Variants in ELL3 observed in about 807,000 individuals in gnomAD.
ELL3 encodes the protein elongation factor for RNA polymerase II 3.
Under a neutral mutation model 58.5 loss-of-function variants are expected in ELL3, and 48 were observed. The observed-to-expected ratio is 0.82, with a 90% confidence interval of 0.65 to 1.04. The LOEUF is 1.04. Among genes scored for constraint, ELL3 ranks in the 50% least tolerant of loss-of-function variants. The pLI is 0.00. For missense variants in ELL3, 458 were observed against 478.4 expected (o/e 0.96, Z 0.40); for synonymous variants, 174 against 173.2 (o/e 1.00, Z -0.04).
At chr15:43,775,962 C>G (rs3844075) in intron 3 of ELL3, 39 bp from the exon 4 acceptor site, 1,458,902 of 1,612,680 alleles carry the variant, frequency 0.9, 662,988 homozygotes, top group East Asian at 1. Context: ...AGGGTGGAGA[C>G]CTCTTAAGCA....
At chr15:43,776,307 G>A (rs2086916405) in intron 2 of ELL3, 156 bp from the exon 3 acceptor site, 2 of 1,087,720 alleles carry the variant, frequency 1.8e-6, no homozygotes, top group Non-Finnish European at 2.7e-6. Flanking sequence ...TCCCCAGGAG[G>A]CCGAAACAGC....
chr15:43,774,196 TTCCTCGCCGAACTC>T lies in ELL3; in HGVS notation c.1010_1023del (p.Arg337AsnfsTer16), dbSNP rs2086898026. 1.2e-6 allele frequency: 2 copies of T among 1,613,762 alleles called. No homozygotes were observed. Among genetic ancestry groups the T allele is most frequent in the Admixed American group, 3.3e-5 (2 of 59,954 alleles). ...CCTGTCCTTACCTTGTATTCTGGAG[TTCCTCGCCGAACTC>T]TTTTAATCTCTGCTCCCAGCTCTAT... On this transcript the variant is annotated frameshift_variant, in exon 9 of 11. Transcript: ENST00000319359. LOFTEE classifies it high-confidence loss of function.
intron 4 of ELL3, 45 bp from the exon 5 acceptor site, chr15:43,775,655 G>A (rs1213564251): frequency 6.2e-7 from 1 of 1,613,930 alleles, no homozygotes; most frequent in Admixed American, 1.7e-5. Context: ...TGGAGTACTG[G>A]GATACCTTGG....
In ELL3 at chr15:43,775,323, G is replaced by T. The variant is rs144962107; in HGVS notation, c.628C>A (p.Arg210=). The T allele has an allele frequency of 5.6e-6, 9 of 1,612,322 alleles. No individual in the cohort carries two copies. The highest frequency in any genetic ancestry group is 7.6e-6 in the Non-Finnish European group (9 of 1,178,740). Residue 210 remains arginine, a synonymous_variant, in exon 6 of 11, where the codon CGG becomes AGG. Coordinates refer to ENST00000319359, the MANE Select transcript of ELL3 (RefSeq NM_025165.3). ...PVQALPSSAS[R]KRLDKKRSVP... is the part of the protein sequence containing the mutation. ...TAACTTACCTTGTCCAGACGTTTCC[G>T]GCTGGCAGAGGAAGGCAGTGCCTGA...
Position 43,775,387 on chromosome 15 carries a change from A to G in ELL3, c.570-6T>C, listed in dbSNP as rs750792902. ...TTGGAACATGGGTCTGGCTTCTAGG[A>G]TATTTTAAGGGAATGGGACAGATGA... is the stretch of plus-strand genomic sequence containing the variant. On this transcript the variant is annotated splice_polypyrimidine_tract_variant and splice_region_variant and intron_variant, in intron 5 of 10. Coordinates refer to ENST00000319359, the MANE Select transcript of ELL3 (RefSeq NM_025165.3). 3 of 1,613,154 alleles carry G rather than the reference A, an allele frequency of 1.9e-6. No individual in the cohort carries two copies. The highest frequency in any genetic ancestry group is 2.5e-6 in the Non-Finnish European group (3 of 1,179,324).
At position 43,773,041 on chromosome 15, in the gene ELL3, C is replaced by T; in HGVS notation, c.*75G>A. On this transcript the variant is annotated 3_prime_UTR_variant, in exon 11 of 11. Coordinates refer to ENST00000319359, the MANE Select transcript of ELL3 (RefSeq NM_025165.3). ...TCAGCATAAGAAAAGCAGATAGTTG[C>T]ATTCTATTTAGTTTATAGCTGCTTT... The T allele has an allele frequency of 7.5e-7, 1 of 1,335,304 alleles. No homozygotes were observed. The highest frequency in any genetic ancestry group is 1.0e-6 in the Non-Finnish European group (1 of 968,052). The allele number at this position is 1,335,304 out of a possible 1,614,324, so 82.7% of individuals were successfully genotyped here. A position where few individuals can be genotyped will look rare whatever the true frequency, so the allele number is the denominator to read the frequency against.
chr15:43,774,541 C>T (rs773389240), intron 7 of ELL3, 23 bp from the exon 8 acceptor site: 1 of 1,614,130 alleles, frequency 6.2e-7, no homozygotes, highest in Non-Finnish European at 8.5e-7. Context: ...CAAGAAAACA[C>T]AAGTGATTAT....
intron 2 of ELL3, 43 bp from the exon 3 acceptor site, chr15:43,776,194 T>G: frequency 6.5e-7 from 1 of 1,526,832 alleles, no homozygotes. Flanking sequence ...AGTCAGCCCC[T>G]CCCCCTCCTG....
intron 6 of ELL3, 146 bp from the exon 7 acceptor site, chr15:43,774,919 G>C (rs1189932029): frequency 1.1e-6 from 1 of 887,504 alleles, no homozygotes; most frequent in African/African-American, 1.7e-5. Flanking sequence ...GATCGCTTGA[G>C]CCCAAGATTT....
intron 9 of ELL3, 131 bp downstream of exon 9, chr15:43,774,047 TACAG>T (rs1167713248): frequency 9.1e-7 from 1 of 1,102,924 alleles, no homozygotes; most frequent in Non-Finnish European, 1.3e-6. Flanking sequence ...TACCAAATGA[TACAG>T]ACTAATTTTT....
intron 9 of ELL3, among the ~76,000 whole-genome samples, chr15:43,773,824 A>G (rs997792643): frequency 6.6e-6 from 1 of 151,838 alleles, no homozygotes; most frequent in Non-Finnish European, 1.5e-5. Flanking sequence ...CAACATGGTA[A>G]AACCCTGTCT....
At chr15:43,776,220 C>T (rs1217603657) in intron 2 of ELL3, 69 bp from the exon 3 acceptor site, 7 of 1,416,252 alleles carry the variant, frequency 4.9e-6, no homozygotes, top group South Asian at 2.4e-5. Context: ...GCCACTCGTC[C>T]GGGAGCCAGT....
chr15:43,774,208 C>G lies in ELL3; in HGVS notation c.1012G>C (p.Val338Leu). The G allele has an allele frequency of 6.2e-7, 1 of 1,614,202 alleles. No individual in the cohort carries two copies. Reference sequence around the variant, plus strand: ...TTGTATTCTGGAGTTCCTCGCCGAACTCTTTTAATCTCTGCTCCCAGCTCT... The same window carrying G: ...TTGTATTCTGGAGTTCCTCGCCGAAGTCTTTTAATCTCTGCTCCCAGCTCT... ...FIELGAEIKR[V>L]RRGTPEYKVL... The change falls in exon 9 of 11, where the codon GTT becomes CTT. Residue 338 changes from valine (V) to leucine (L), a missense_variant. Transcript: ENST00000319359.
Position 43,774,653 on chromosome 15 carries a change from C to T in ELL3, c.766G>A (p.Glu256Lys). The T allele has an allele frequency of 1.2e-6, 2 of 1,614,154 alleles. No individual in the cohort carries two copies. The highest frequency in any genetic ancestry group is 1.7e-6 in the Non-Finnish European group (2 of 1,180,032). ...NQDLQEGEDW[E>K]QEDEDMDPRL... ...GGGTCCATGTCCTCATCTTCTTGCT[C>T]CCAATCTTCTCCCTCTTGTAAATCC... The change falls in exon 7 of 11, where the codon GAG becomes AAG. Residue 256 changes from glutamate (E) to lysine (K), a missense_variant. Coordinates refer to ENST00000319359, the MANE Select transcript of ELL3 (RefSeq NM_025165.3).
chr15:43,775,255 G>A (rs752202244), intron 6 of ELL3, 51 bp downstream of exon 6: 4 of 1,514,808 alleles, frequency 2.6e-6, no homozygotes, highest in Non-Finnish European at 2.7e-6. Flanking sequence ...CTTTGCCACT[G>A]TTTAATTATA....
At position 43,774,177 on chromosome 15, in the gene ELL3, C is replaced by G. The variant is rs753915984; in HGVS notation, c.1038+5G>C. ...CTGGAAAGCCAGGCTGGGTCCTGTCCTTACCTTGTATTCTGGAGTTCCTCG... is the reference window on the plus strand; with the variant it reads ...CTGGAAAGCCAGGCTGGGTCCTGTCGTTACCTTGTATTCTGGAGTTCCTCG... On this transcript the variant is annotated splice_donor_5th_base_variant and intron_variant, in intron 9 of 10. Transcript: ENST00000319359. 101 of 1,613,948 alleles carry G rather than the reference C, an allele frequency of 6.3e-5. No homozygotes were observed. The highest frequency in any genetic ancestry group is 1.3e-4 in the Admixed American group (8 of 60,002).
chr15:43,774,662 C>A lies in ELL3; in HGVS notation c.757G>T (p.Glu253Ter). ...GLTNQDLQEGEDWEQEDEDMD... is the reference protein window; with the variant it reads ...GLTNQDLQEG Reference sequence around the variant, plus strand: ...TCCTCATCTTCTTGCTCCCAATCTTCTCCCTCTTGTAAATCCTGATTGGTC... The same window carrying A: ...TCCTCATCTTCTTGCTCCCAATCTTATCCCTCTTGTAAATCCTGATTGGTC... Residue 253 changes from glutamate to a stop codon, truncating the protein, a stop_gained, in exon 7 of 11, where the codon GAA becomes TAA. Transcript: ENST00000319359. LOFTEE classifies it high-confidence loss of function. The A allele has an allele frequency of 6.2e-7, 1 of 1,614,220 alleles. No individual in the cohort carries two copies. The highest frequency in any genetic ancestry group is 8.5e-7 in the Non-Finnish European group (1 of 1,180,044).
In ELL3 at chr15:43,776,192, C is replaced by G. The variant is rs767987742; in HGVS notation, c.169-41G>C. The G allele has an allele frequency of 2.6e-6, 4 of 1,553,162 alleles. No individual in the cohort carries two copies. In the Admixed American group the frequency reaches 6.9e-5, roughly 27 times the overall value. On this transcript the variant is annotated intron_variant, in intron 2 of 10. Coordinates refer to ENST00000319359, the MANE Select transcript of ELL3 (RefSeq NM_025165.3). The stretch of plus-strand genomic sequence containing the variant: ...GACGGTAAGCCCCATGAAGTCAGCC[C>G]CTCCCCCTCCTGCCGCCGCCACTCG...
At chr15:43,775,226 A>G in intron 6 of ELL3, 80 bp downstream of exon 6, 1 of 1,395,292 alleles carries the variant, frequency 7.2e-7, no homozygotes, top group Non-Finnish European at 9.7e-7. Context: ...GCTTGACTAA[A>G]AGTGCTTTTC....
Sources: gnomAD v4.1 joint callset for allele counts (sites outside exome capture counted in the v4.1 genomes callset) on GRCh38, gnomAD v4.1.1 for gene constraint, MANE v1.5 for transcripts, NCBI Gene and HGNC (gene_info 2026-07-23, HGNC 2026-07-21) for gene names.